The following SLIT3 variants were observed in gnomAD, a reference collection of about 807,000 sequenced individuals.
SLIT3 encodes slit guidance ligand 3.
In SLIT3, 68 loss-of-function variants were observed where a neutral mutation model predicts 184.0. The observed-to-expected ratio is 0.37, with a 90% confidence interval of 0.30 to 0.45. The LOEUF (loss-of-function observed/expected upper bound fraction) is 0.45. Ranked by LOEUF, SLIT3 falls within the 20% of genes least tolerant of loss-of-function variation. The probability of loss-of-function intolerance (pLI) is 1.00; values close to 1 mark genes in which losing one functional copy is unlikely to be tolerated. For missense variants in SLIT3, 1,707 were observed against 2,026.0 expected (o/e 0.84, Z 3.02); for synonymous variants, 831 against 828.6 (o/e 1.00, Z -0.05).
chr5:168,837,430 A>G (rs1337924029), intron 6 of SLIT3, among the ~76,000 whole-genome samples: 1 of 152,208 alleles, frequency 6.6e-6, no homozygotes, highest in Non-Finnish European at 1.5e-5. Flanking sequence ...TTTGTTCCTT[A>G]TTAAAATGAG....
chr5:168,941,199 C>T (rs1479122915), intron 4 of SLIT3, among the ~76,000 whole-genome samples: 1 of 152,124 alleles, frequency 6.6e-6, no homozygotes, highest in Non-Finnish European at 1.5e-5. Flanking sequence ...GGATTGATGA[C>T]TTTCTTGTCT....
In SLIT3 at chr5:168,811,660, C is replaced by T. The variant is rs551736640; in HGVS notation, c.794-5073G>A. Among the ~76,000 whole-genome samples the T allele has an allele frequency of 7.2e-5, 11 of 152,282 alleles. No homozygotes were observed. The East Asian group carries it at 1.2e-3, about 16-fold the overall frequency. On this transcript the variant is annotated intron_variant, in intron 8 of 35. Coordinates refer to ENST00000519560, the MANE Select transcript of SLIT3 (RefSeq NM_003062.4). ...CATCTTTAAAAAACCTCATCCACAA[C>T]GAGCTATCACCCCATCCCAGTTTGA...
At chr5:169,136,550 C>T (rs978092828) in intron 4 of SLIT3, among the ~76,000 whole-genome samples, 11 of 152,172 alleles carry the variant, frequency 7.2e-5, no homozygotes, top group Non-Finnish European at 1.5e-4. Flanking sequence ...ATAGTCCCGT[C>T]GTGGGTCAGT....
At chr5:168,801,957 C>T (rs1756780367) in intron 9 of SLIT3, among the ~76,000 whole-genome samples, 1 of 151,998 alleles carries the variant, frequency 6.6e-6, no homozygotes, top group South Asian at 2.1e-4. Flanking sequence ...TAGGCAACCC[C>T]CTCCCCTTCC....
At chr5:169,004,052 C>T (rs970537179) in intron 4 of SLIT3, among the ~76,000 whole-genome samples, 9 of 152,206 alleles carry the variant, frequency 5.9e-5, no homozygotes, top group East Asian at 3.9e-4. Flanking sequence ...CTCTACTCTG[C>T]GCATGAAGGC....
In SLIT3 at chr5:168,825,043, G is replaced by C. The variant is rs182059824; in HGVS notation, c.558-1712C>G. ...TACTACTTCCGAATTGTGTGGCCTT[G>C]GGCAAGTTATCAATATCTCTTATCT... On this transcript the variant is annotated intron_variant, in intron 6 of 35. Transcript: ENST00000519560. 3.8e-3 allele frequency among the ~76,000 whole-genome samples: 578 copies of C among 152,238 alleles called. 4 individuals are homozygous for C. The highest frequency in any genetic ancestry group is 0.014 in the African/African-American group (561 of 41,524).
intron 4 of SLIT3, among the ~76,000 whole-genome samples, chr5:169,191,267 T>A (rs1364952418): frequency 2.6e-5 from 4 of 152,234 alleles, no homozygotes; most frequent in Non-Finnish European, 4.4e-5. Context: ...CCATCACTGA[T>A]GGAGTGCCTA....
intron 1 of SLIT3, among the ~76,000 whole-genome samples, chr5:169,286,346 C>T (rs1215572609): frequency 1.3e-5 from 2 of 149,122 alleles, no homozygotes; most frequent in African/African-American, 2.6e-5. Context: ...TTTCAGAAGG[C>T]TTACTGTGGA....
intron 5 of SLIT3, among the ~76,000 whole-genome samples, chr5:168,873,800 A>C (rs999619330): frequency 1.3e-5 from 2 of 152,156 alleles, no homozygotes; most frequent in Admixed American, 1.3e-4. Flanking sequence ...GTGAGAGGCA[A>C]AGCTGAAAAA....
chr5:168,806,560 T>C lies in SLIT3; in HGVS notation c.821A>G (p.Asn274Ser), dbSNP rs1159625851. The stretch of plus-strand genomic sequence containing the variant: ...CGAAGGGCAGGAGATGGAGTTGGCA[T>C]TGCAGGATGGGGGCTCCGAGTGGGG... ...PAPHSEPPSC[N>S]ANSISCPSPC... The change falls in exon 9 of 36, where the codon AAT (asparagine) becomes AGT (serine). Residue 274 changes from asparagine to serine, a missense_variant. Physicochemically the swap from Asn to Ser is conservative, Grantham distance 46. This residue lies in a region of SLIT3 where 1,307 missense variants were observed against 1,511.6 expected (regional missense o/e 0.86). Coordinates refer to ENST00000519560, the MANE Select transcript of SLIT3 (RefSeq NM_003062.4). The C allele has an allele frequency of 6.2e-7, 1 of 1,614,022 alleles. No individual in the cohort carries two copies. Among genetic ancestry groups the C allele is most frequent in the Non-Finnish European group, 8.5e-7 (1 of 1,180,002 alleles).
chr5:168,901,072 A>G lies in SLIT3; in HGVS notation c.414-17736T>C, dbSNP rs191720550. Among the ~76,000 whole-genome samples the G allele has an allele frequency of 2.1e-3, 327 of 152,290 alleles. 3 individuals carry two copies. The highest frequency in any genetic ancestry group is 7.5e-3 in the African/African-American group (313 of 41,564). ...TCACCCTGTGATGTGTGCATGTAACAAAATTGCAGGCCAGGCACAGTGGCT... is the reference window on the plus strand; with the variant it reads ...TCACCCTGTGATGTGTGCATGTAACGAAATTGCAGGCCAGGCACAGTGGCT... On this transcript the variant is annotated intron_variant, in intron 4 of 35. Transcript: ENST00000519560.
intron 1 of SLIT3, among the ~76,000 whole-genome samples, chr5:169,291,116 G>C (rs899116313): frequency 1.3e-5 from 2 of 152,042 alleles, no homozygotes; most frequent in East Asian, 3.9e-4. Flanking sequence ...CAGTGATATG[G>C]CCGTGATAAG....
At chr5:169,189,020 T>G (rs561993394) in intron 4 of SLIT3, among the ~76,000 whole-genome samples, 1 of 152,218 alleles carries the variant, frequency 6.6e-6, no homozygotes, top group East Asian at 1.9e-4. Flanking sequence ...AAATATTTAT[T>G]GAGTGACCCA....
chr5:168,686,041 C>T lies in SLIT3; in HGVS notation c.3315-114G>A, dbSNP rs899868719. On this transcript the variant is annotated intron_variant, in intron 30 of 35. Coordinates refer to ENST00000519560, the MANE Select transcript of SLIT3 (RefSeq NM_003062.4). ...AGAGGTAGAGTGAGATGGGAAATGA[C>T]ACTAGTTCTAGGGGCTAGTTCCAGC... The T allele has an allele frequency of 1.3e-5, 16 of 1,242,500 alleles. No individual in the cohort carries two copies. In the Admixed American group the frequency reaches 3.2e-4, roughly 25 times the overall value. 77.0% of individuals were successfully genotyped at this position (1,242,500 alleles called of 1,614,324 possible).
intron 1 of SLIT3, among the ~76,000 whole-genome samples, chr5:169,257,132 T>C (rs1765986419): frequency 6.6e-6 from 1 of 152,206 alleles, no homozygotes; most frequent in Non-Finnish European, 1.5e-5. Flanking sequence ...TTTGCATGTA[T>C]GTGCAACCAT....
At chr5:169,231,519 T>C (rs1765003800) in intron 3 of SLIT3, among the ~76,000 whole-genome samples, 1 of 152,246 alleles carries the variant, frequency 6.6e-6, no homozygotes, top group Admixed American at 6.5e-5. Context: ...TACCATGTGG[T>C]TACAGACAGC....
At chr5:168,787,626 T>G (rs2113581011) in intron 11 of SLIT3, among the ~76,000 whole-genome samples, 1 of 152,320 alleles carries the variant, frequency 6.6e-6, no homozygotes, top group African/African-American at 2.4e-5. Flanking sequence ...AAATATGTAT[T>G]TAATTTTAAT....
intron 4 of SLIT3, among the ~76,000 whole-genome samples, chr5:168,950,315 A>G (rs954651150): frequency 6.6e-6 from 1 of 152,234 alleles, no homozygotes; most frequent in Non-Finnish European, 1.5e-5. Context: ...TCTAACCTCC[A>G]GAACTGTGAA....
At chr5:168,878,768 G>A (rs1236295225) in intron 5 of SLIT3, among the ~76,000 whole-genome samples, 1 of 148,912 alleles carries the variant, frequency 6.7e-6, no homozygotes, top group African/African-American at 2.5e-5. Context: ...AGGCGGGAGT[G>A]CAATGGTGCG....
Sources: allele counts gnomAD v4.1 joint callset (sites outside exome capture counted in the v4.1 genomes callset), GRCh38; gene constraint gnomAD v4.1.1; regional missense constraint gnomAD v4.1.1; transcripts MANE v1.5; gene names NCBI Gene and HGNC (gene_info 2026-07-23, HGNC 2026-07-21).